Variants in SDC2 observed in about 807,000 individuals in gnomAD.
SDC2 encodes syndecan-2.
Under a neutral mutation model 22.2 loss-of-function variants are expected in SDC2, and 13 were observed. That is an observed-to-expected ratio of 0.59 (90% CI 0.38 to 0.93). The LOEUF (loss-of-function observed/expected upper bound fraction) is 0.93, where lower values mean the gene tolerates loss of function less well. Among genes scored for constraint, SDC2 ranks in the 40% least tolerant of loss-of-function variants. SDC2 has a pLI of 0.00. For synonymous variants in SDC2, 94 were observed against 92.8 expected (o/e 1.01, Z -0.07); for missense variants, 235 against 246.8 (o/e 0.95, Z 0.32).
At chr8:96,543,132 G>A (rs1202542747) in intron 1 of SDC2, among the ~76,000 whole-genome samples, 1 of 152,200 alleles carries the variant, frequency 6.6e-6, no homozygotes, top group Admixed American at 6.5e-5. Flanking sequence ...GGATTTGAAA[G>A]TCTTGATCAA....
At chr8:96,562,218 A>G (rs949210962) in intron 1 of SDC2, among the ~76,000 whole-genome samples, 1 of 152,156 alleles carries the variant, frequency 6.6e-6, no homozygotes. Flanking sequence ...TTGCATGTGG[A>G]TGTCCCATTG....
intron 1 of SDC2, among the ~76,000 whole-genome samples, chr8:96,507,998 C>T (rs986232185): frequency 8.6e-5 from 13 of 151,204 alleles, no homozygotes; most frequent in African/African-American, 2.9e-4. Flanking sequence ...CCTGTCTCTA[C>T]TAAAAATACA....
chr8:96,603,312 A>G (rs1360567524), intron 3 of SDC2, among the ~76,000 whole-genome samples: 1 of 152,232 alleles, frequency 6.6e-6, no homozygotes. Context: ...TGCATGTAGC[A>G]TGGCACCTGA....
intron 1 of SDC2, among the ~76,000 whole-genome samples, chr8:96,531,774 C>T (rs73273547): frequency 0.021 from 3,238 of 152,244 alleles, 112 homozygotes; most frequent in African/African-American, 0.073. Flanking sequence ...CTCCTTCAAC[C>T]CCATGATGAT....
At chr8:96,586,020 T>G (rs72680169) in intron 1 of SDC2, among the ~76,000 whole-genome samples, 2,566 of 152,304 alleles carry the variant, frequency 0.017, 33 homozygotes, top group Non-Finnish European at 0.028. Flanking sequence ...AGAGGAGAAT[T>G]TCTGCAGTTA....
At chr8:96,576,379 G>GGT (rs1554604674) in intron 1 of SDC2, among the ~76,000 whole-genome samples, 1 of 47,564 alleles carries the variant, frequency 2.1e-5, no homozygotes, top group Non-Finnish European at 3.9e-5. Flanking sequence ...TTTTTGTTTT[G>GGT]TTTTGTTTTT....
chr8:96,590,926 G>A (rs1015438714), intron 1 of SDC2, among the ~76,000 whole-genome samples: 1 of 152,150 alleles, frequency 6.6e-6, no homozygotes. Context: ...GAGTGGCTGA[G>A]GGTAAGCCAG....
chr8:96,506,329 T>C (rs1368058611), intron 1 of SDC2, among the ~76,000 whole-genome samples: 1 of 152,210 alleles, frequency 6.6e-6, no homozygotes, highest in African/African-American at 2.4e-5. Context: ...CAACCAGTCT[T>C]GATTCTCCAT....
intron 1 of SDC2, among the ~76,000 whole-genome samples, chr8:96,554,149 A>G (rs1410173224): frequency 6.6e-6 from 1 of 152,122 alleles, no homozygotes; most frequent in East Asian, 1.9e-4. Flanking sequence ...CTCTCTGTAT[A>G]ATAAAGTAAT....
At chr8:96,571,848 A>G (rs918834644) in intron 1 of SDC2, among the ~76,000 whole-genome samples, 1 of 152,166 alleles carries the variant, frequency 6.6e-6, no homozygotes, top group Admixed American at 6.5e-5. Context: ...ACCCAGAGGG[A>G]GCAATAATAG....
rs371004924 is a variant in SDC2, at chr8:96,608,498, G to A, written c.442+28G>A. On this transcript the variant is annotated intron_variant, in intron 4 of 4. Coordinates refer to ENST00000302190, the MANE Select transcript of SDC2 (RefSeq NM_002998.4). Reference sequence around the variant, plus strand: ...GAGTAGCCTGGTGGGCCTCAGGTGGGAGGGTGCCTACATAGGCCTCTGTTA... The same window carrying A: ...GAGTAGCCTGGTGGGCCTCAGGTGGAAGGGTGCCTACATAGGCCTCTGTTA... The A allele has an allele frequency of 3.1e-6, 5 of 1,599,526 alleles. No homozygotes were observed. The African/African-American group carries it at 6.7e-5, about 22-fold the overall frequency.
intron 1 of SDC2, among the ~76,000 whole-genome samples, chr8:96,496,729 T>C (rs980018962): frequency 6.6e-6 from 1 of 152,232 alleles, no homozygotes; most frequent in African/African-American, 2.4e-5. Context: ...AAAGGAAAAC[T>C]GCCTACAGTT....
At chr8:96,501,353 C>T (rs2130422486) in intron 1 of SDC2, among the ~76,000 whole-genome samples, 1 of 121,918 alleles carries the variant, frequency 8.2e-6, no homozygotes, top group African/African-American at 3.2e-5. Context: ...GTCGCCCAGG[C>T]TGGAGTGCAG....
At chr8:96,548,720 A>G (rs938305931) in intron 1 of SDC2, among the ~76,000 whole-genome samples, 7 of 152,234 alleles carry the variant, frequency 4.6e-5, no homozygotes, top group Non-Finnish European at 8.8e-5. Flanking sequence ...CTGTCACCAG[A>G]AACGGGCCAA....
intron 1 of SDC2, among the ~76,000 whole-genome samples, chr8:96,558,446 A>C (rs1814155277): frequency 6.6e-6 from 1 of 152,188 alleles, no homozygotes; most frequent in Non-Finnish European, 1.5e-5. Context: ...TAAGGTAAAC[A>C]TACAACACAG....
chr8:96,533,458 A>C (rs1379758394), intron 1 of SDC2, among the ~76,000 whole-genome samples: 2 of 152,134 alleles, frequency 1.3e-5, no homozygotes, highest in East Asian at 3.9e-4. Context: ...GACACAGAGC[A>C]CTGATTGGTG....
chr8:96,494,055 C>G lies in SDC2; in HGVS notation c.-217C>G, dbSNP rs1279076863. The G allele has an allele frequency of 5.4e-6, 3 of 555,568 alleles. No individual in the cohort carries two copies. In the East Asian group the frequency reaches 9.9e-5, roughly 18 times the overall value. 34.4% of individuals were successfully genotyped at this position (555,568 alleles called of 1,614,324 possible). On this transcript the variant is annotated 5_prime_UTR_variant, in exon 1 of 5. Coordinates refer to ENST00000302190, the MANE Select transcript of SDC2 (RefSeq NM_002998.4). ...GCAGAAACCAACAAGTGAGAGGGCG[C>G]CGCGTTCCCGGGGCGCAGCTGCGGG...
At chr8:96,587,961 G>C (rs138946900) in intron 1 of SDC2, among the ~76,000 whole-genome samples, 47 of 152,164 alleles carry the variant, frequency 3.1e-4, no homozygotes, top group African/African-American at 1.1e-3. Flanking sequence ...CAATCTCCTG[G>C]GTAGGCCCTG....
intron 1 of SDC2, among the ~76,000 whole-genome samples, chr8:96,542,923 C>T (rs552649738): frequency 5.3e-5 from 8 of 152,172 alleles, no homozygotes; most frequent in Non-Finnish European, 1.2e-4. Context: ...TTATTGCTAT[C>T]CTTGTTACAA....
Sources: gnomAD v4.1 joint callset for allele counts (sites outside exome capture counted in the v4.1 genomes callset) on GRCh38, gnomAD v4.1.1 for gene constraint, MANE v1.5 for transcripts, NCBI Gene and HGNC (gene_info 2026-07-23, HGNC 2026-07-21) for gene names.